Variants in ATG9B observed in about 807,000 individuals in gnomAD.
ATG9B encodes the protein autophagy-related protein 9B.
Under a neutral mutation model 92.9 loss-of-function variants are expected in ATG9B, and 92 were observed. That is an observed-to-expected ratio of 0.99 (90% CI 0.84 to 1.18). The LOEUF is 1.18. Ranked by LOEUF, ATG9B falls within the 50% of genes most tolerant of loss-of-function variation. The pLI, the probability that ATG9B is intolerant of heterozygous loss-of-function variation, is 0.00. For synonymous variants in ATG9B, 599 were observed against 551.4 expected (o/e 1.09, Z -1.21); for missense variants, 1,344 against 1,235.0 (o/e 1.09, Z -1.32).
chr7:151,016,161 G>T lies in ATG9B; in HGVS notation c.2595C>A (p.Ser865Arg). 1 of 1,539,878 alleles carries T rather than the reference G, an allele frequency of 6.5e-7. No individual in the cohort carries two copies. The highest frequency in any genetic ancestry group is 1.2e-5 in the South Asian group (1 of 82,392). The change falls in exon 12 of 14, where the codon AGC (serine) becomes AGA (arginine). Residue 865 changes from serine to arginine, a missense_variant. Transcript: ENST00000639579. ...AASILSRPCS[S>R]PSQPPSPDEE... ...CATCAGGCGAGGGTGGCTGTGAGGGGCTGGAGCAGGGCCTGGACAGGATGG... is the reference window on the plus strand; with the variant it reads ...CATCAGGCGAGGGTGGCTGTGAGGGTCTGGAGCAGGGCCTGGACAGGATGG...
intron 5 of ATG9B, 45 bp downstream of exon 5, chr7:151,021,143 A>T (rs1321113672): frequency 6.2e-7 from 1 of 1,604,796 alleles, no homozygotes; most frequent in Admixed American, 1.7e-5. Flanking sequence ...TCCTCTGCCC[A>T]CCCTCTCACG....
chr7:151,013,296 C>G, downstream of ATG9B: 2 of 1,613,970 alleles, frequency 1.2e-6, no homozygotes, highest in East Asian at 4.5e-5. Flanking sequence ...CCATCTCTAC[C>G]GCGACGAGGT....
chr7:151,018,640 C>T lies in ATG9B; in HGVS notation c.1698G>A (p.Gly566=), dbSNP rs778355509. The change falls in exon 6 of 14, where the codon GGG becomes GGA. Residue 566 remains glycine (G), a synonymous_variant. Coordinates refer to ENST00000639579, the MANE Select transcript of ATG9B (RefSeq NM_001317056.2). This position sits in a 1 kb window ranked among gnomAD's most constrained non-coding sequence, Gnocchi z 4.7. The stretch of plus-strand genomic sequence containing the variant: ...CGCACCTGGCGACGGTGGCGGTGAC[C>T]CCGAGCGCGGTCATGGCGGTGAGCA... The part of the protein sequence containing the change: ...EHVLTAMTAL[G]VTATVARSFI... 6.8e-6 allele frequency: 11 copies of T among 1,606,312 alleles called. No homozygotes were observed. The African/African-American group carries it at 1.3e-4, about 20-fold the overall frequency.
Position 151,016,205 on chromosome 7 carries a change from A to G in ATG9B, c.2551T>C (p.Trp851Arg), listed in dbSNP as rs750618079. 5 of 1,509,642 alleles carry G rather than the reference A, an allele frequency of 3.3e-6. No individual in the cohort carries two copies. Among genetic ancestry groups the G allele is most frequent in the Non-Finnish European group, 4.4e-6 (5 of 1,125,696 alleles). The allele number at this position is 1,509,642 out of a possible 1,614,324, so 93.5% of individuals were successfully genotyped here. A position where few individuals can be genotyped will look rare whatever the true frequency, so the allele number is the denominator to read the frequency against. Reference sequence around the variant, plus strand: ...AGGATGGAGGCTGCAGCCTCACCCCACGGCTCCTGCTGCTGCTGCTGCTGG... The same window carrying G: ...AGGATGGAGGCTGCAGCCTCACCCCGCGGCTCCTGCTGCTGCTGCTGCTGG... ...LHQQQQQQEP[W>R]GEAAASILSR... The change falls in exon 12 of 14, where the codon TGG becomes CGG. Residue 851 changes from tryptophan (W) to arginine (R), a missense_variant. Coordinates refer to ENST00000639579, the MANE Select transcript of ATG9B (RefSeq NM_001317056.2).
chr7:151,015,995 T>G lies in ATG9B; in HGVS notation c.2676A>C (p.Gln892His). The change falls in exon 13 of 14, where the codon CAA (glutamine) becomes CAC (histidine). Residue 892 changes from glutamine (Q) to histidine (H), a missense_variant. Gln to His is a conservative substitution (Grantham distance 24, BLOSUM62 0). Coordinates refer to ENST00000639579, the MANE Select transcript of ATG9B (RefSeq NM_001317056.2). ...DGSSPASSPRQQWGTQKARNL... is the reference protein window; with the variant it reads ...DGSSPASSPRHQWGTQKARNL... ...TCCGGGCCTTCTGGGTTCCCCACTG[T>G]TGTCTGGGGCTAGAGGCAGGACTGG... is the stretch of plus-strand genomic sequence containing the variant. The G allele has an allele frequency of 6.4e-7, 1 of 1,551,668 alleles. No homozygotes were observed. Among genetic ancestry groups the G allele is most frequent in the Non-Finnish European group, 8.7e-7 (1 of 1,146,968 alleles).
Position 151,018,534 on chromosome 7 carries a change from A to G in ATG9B, c.1718+86T>C. 1 of 1,523,426 alleles carries G rather than the reference A, an allele frequency of 6.6e-7. No individual in the cohort carries two copies. The highest frequency in any genetic ancestry group is 8.8e-7 in the Non-Finnish European group (1 of 1,137,860). 94.4% of individuals were successfully genotyped at this position (1,523,426 alleles called of 1,614,324 possible). ...AGGGCTAGAGGGCCCCAGTGGTGGG[A>G]GAGGTAAGGATTCGGGGGGAACCTC... On this transcript the variant is annotated intron_variant, in intron 6 of 13. Transcript: ENST00000639579. The surrounding 1 kb of genome is among the most constrained non-coding windows in gnomAD (Gnocchi z 4.7).
chr7:151,014,834 C>G (rs1348882777), downstream of ATG9B: 1 of 152,108 alleles, frequency 6.6e-6, no homozygotes. Flanking sequence ...GTCTTGAACT[C>G]CTGACCTCGT....
chr7:151,013,859 C>T, downstream of ATG9B: 2 of 1,604,358 alleles, frequency 1.2e-6, no homozygotes, highest in South Asian at 2.2e-5. Context: ...GCAGCGCATC[C>T]TGGCGACGGA....
At position 151,024,373 on chromosome 7, in the gene ATG9B, C is replaced by T; in HGVS notation, c.51G>A (p.Trp17Ter). The change falls in exon 1 of 14, where the codon TGG (tryptophan) becomes TGA (stop). Residue 17 changes from tryptophan to a stop codon, truncating the protein, a stop_gained. Coordinates refer to ENST00000639579, the MANE Select transcript of ATG9B (RefSeq NM_001317056.2). LOFTEE classifies it high-confidence loss of function. ...GCACCGATCCGGGCCCCAGATCTCC[C>T]CACCGCCCCAGCCGCCTTCTTCTCC... ...WGGRRRRLGRWGDLGPGSVPL... is the reference protein window; with the variant it reads ...WGGRRRRLGR The T allele has an allele frequency of 2.2e-6, 3 of 1,379,572 alleles. No homozygotes were observed. Among genetic ancestry groups the T allele is most frequent in the Admixed American group, 3.0e-5 (1 of 32,812 alleles). The allele number at this position is 1,379,572 out of a possible 1,614,324, so 85.5% of individuals were successfully genotyped here.
At chr7:151,021,373 T>C (rs1249831961) in intron 4 of ATG9B, 44 bp from the exon 5 acceptor site, 1 of 1,531,552 alleles carries the variant, frequency 6.5e-7, no homozygotes, top group Admixed American at 2.0e-5. Context: ...GGTGGGCGCC[T>C]GAGAAAGAGG....
At chr7:151,016,333 C>A in intron 11 of ATG9B, 98 bp from the exon 12 acceptor site, 1 of 1,489,518 alleles carries the variant, frequency 6.7e-7, no homozygotes. Flanking sequence ...CCTCCTGCCA[C>A]TCTGCTAGAC....
downstream of ATG9B, chr7:151,015,139 G>T (rs1311947607): frequency 6.6e-6 from 1 of 152,166 alleles, no homozygotes; most frequent in Non-Finnish European, 1.5e-5. Flanking sequence ...AGAAACAAGA[G>T]TCACAGAGAT....
intron 4 of ATG9B, among the ~76,000 whole-genome samples, chr7:151,022,399 G>C (rs908046188): frequency 3.3e-5 from 5 of 151,312 alleles, no homozygotes; most frequent in African/African-American, 7.3e-5. Flanking sequence ...GCCTCCCAAA[G>C]TGCTGGGATT....
chr7:151,019,108 C>T lies in ATG9B; in HGVS notation c.1230G>A (p.Ser410=). The T allele has an allele frequency of 1.3e-6, 2 of 1,535,872 alleles. No homozygotes were observed. The highest frequency in any genetic ancestry group is 1.4e-5 in the African/African-American group (1 of 73,146). ...GCAGCTCCCAGCCCCCGCGGAAGAG[C>T]GAGAAGGGACCGCGGAAGAGCAGCA... ...VDLLLFRGPF[S]LFRGGWELPH... is the part of the protein sequence containing the mutation. Residue 410 remains serine (S), a synonymous_variant, in exon 6 of 14, where the codon TCG becomes TCA. Transcript: ENST00000639579.
At chr7:151,013,077 C>G, downstream of ATG9B, 1 of 811,482 alleles carries the variant, frequency 1.2e-6, no homozygotes, top group South Asian at 1.7e-5. Flanking sequence ...TCTGTGAAAG[C>G]ATTCTACACT....
Position 151,021,234 on chromosome 7 carries a change from T to C in ATG9B, c.917A>G (p.Tyr306Cys), listed in dbSNP as rs1290635019. 2 of 1,613,422 alleles carry C rather than the reference T, an allele frequency of 1.2e-6. No individual in the cohort carries two copies. The highest frequency in any genetic ancestry group is 1.7e-6 in the Non-Finnish European group (2 of 1,179,930). ...LLRSVCNLFS[Y>C]WDIQVFYREA... is the part of the protein sequence containing the mutation. ...CCTGTAAAACACCTGGATGTCCCAG[T>C]AGCTGAAGAGGTTGCAGACTGAGCG... is the stretch of plus-strand genomic sequence containing the variant. Residue 306 changes from tyrosine (Y) to cysteine (C), a missense_variant, in exon 5 of 14, where the codon TAC becomes TGC. Transcript: ENST00000639579.
downstream of ATG9B, chr7:151,014,600 GT>G (rs1265349762): frequency 0.017 from 2,488 of 145,518 alleles, 53 homozygotes; most frequent in African/African-American, 0.059. Context: ...GTGGATTACA[GT>G]TTTTTTTTTT....
At chr7:151,013,599 C>A, downstream of ATG9B, 2 of 1,062,458 alleles carry the variant, frequency 1.9e-6, no homozygotes, top group Non-Finnish European at 2.6e-6. Flanking sequence ...TGACACCGCC[C>A]CAGGGCACGC....
Position 151,023,073 on chromosome 7 carries a change from TG to T in ATG9B, c.792del (p.Ile265SerfsTer60), listed in dbSNP as rs1189174439. ...TCAGCACACTGGGCTGAGGGTAGGA[TG>T]GCATCTGACAGGGTCACTTTGCTGT... ...PFHSKVTLSDAILPSAQCAER... is the reference protein window; with the variant it reads ...PFHSKVTLSDXILPSAQCAER... On this transcript the variant is annotated frameshift_variant, in exon 4 of 14. Transcript: ENST00000639579. LOFTEE classifies it high-confidence loss of function. The T allele has an allele frequency of 1.5e-5, 25 of 1,614,002 alleles. No homozygotes were observed. Among genetic ancestry groups the T allele is most frequent in the Non-Finnish European group, 2.1e-5 (25 of 1,180,028 alleles).
Sources: allele counts gnomAD v4.1 joint callset (sites outside exome capture counted in the v4.1 genomes callset), GRCh38; gene constraint gnomAD v4.1.1; non-coding constraint Gnocchi (gnomAD v3.1); transcripts MANE v1.5; gene names NCBI Gene and HGNC (gene_info 2026-07-23, HGNC 2026-07-21).